The following ITPK1 variants were observed in gnomAD, a reference collection of about 807,000 sequenced individuals.
ITPK1 encodes inositol 1,3,4-trisphosphate 5/6-kinase.
Under a neutral mutation model 45.3 loss-of-function variants are expected in ITPK1, and 21 were observed. That is an observed-to-expected ratio of 0.46 (90% CI 0.33 to 0.67). The LOEUF is 0.67. Ranked by LOEUF, ITPK1 falls within the 30% of genes least tolerant of loss-of-function variation. The pLI is 0.02. For synonymous variants in ITPK1, 258 were observed against 253.6 expected, an observed-to-expected ratio of 1.02 and a Z score of -0.16; for missense variants, 474 against 573.5, an observed-to-expected ratio of 0.83 and a Z score of 1.77.
chr14:93,051,272 T>C (rs1182258751), intron 3 of ITPK1, among the ~76,000 whole-genome samples: 1 of 152,308 alleles, frequency 6.6e-6, no homozygotes, highest in East Asian at 1.9e-4. Flanking sequence ...TGACCTCAAA[T>C]GTCTTTCCTG....
At chr14:92,948,809 C>A (rs1595077577) in intron 9 of ITPK1, among the ~76,000 whole-genome samples, 1 of 151,512 alleles carries the variant, frequency 6.6e-6, no homozygotes, top group Admixed American at 6.6e-5. Flanking sequence ...GCCCACGCTC[C>A]GAGGGACCCA....
In ITPK1 at chr14:93,076,035, C is replaced by G. The variant is rs1310250329; in HGVS notation, c.120+560G>C. Among the ~76,000 whole-genome samples the G allele has an allele frequency of 6.6e-6, 1 of 151,874 alleles. No individual in the cohort carries two copies. The highest frequency in any genetic ancestry group is 1.5e-5 in the Non-Finnish European group (1 of 67,954). ...TTTCCTTCTTCCCCCTCCATCCATCCTTCCCTCTTCTCTCCATCCATCCTT... is the reference window on the plus strand; with the variant it reads ...TTTCCTTCTTCCCCCTCCATCCATCGTTCCCTCTTCTCTCCATCCATCCTT... On this transcript the variant is annotated intron_variant, in intron 3 of 10. Transcript: ENST00000267615. This position sits in a 1 kb window ranked among gnomAD's most constrained non-coding sequence, Gnocchi z 4.3.
chr14:92,969,375 C>T (rs1256391386), intron 5 of ITPK1, among the ~76,000 whole-genome samples: 5 of 151,244 alleles, frequency 3.3e-5, no homozygotes, highest in African/African-American at 1.2e-4. Flanking sequence ...GTGAGGGGCA[C>T]CTTCCAAAGA....
intron 10 of ITPK1, among the ~76,000 whole-genome samples, chr14:92,945,397 C>T (rs911604181): frequency 6.6e-6 from 1 of 152,228 alleles, no homozygotes; most frequent in East Asian, 1.9e-4. Flanking sequence ...CGATAAACAA[C>T]CCCGAGTCCC....
intron 4 of ITPK1, among the ~76,000 whole-genome samples, chr14:93,004,147 A>G (rs1344911266): frequency 1.3e-5 from 2 of 152,200 alleles, no homozygotes; most frequent in African/African-American, 2.4e-5. Context: ...AGTCGCCTGC[A>G]AGCCAGCGAG....
At chr14:93,035,784 G>C (rs1459214934) in intron 3 of ITPK1, among the ~76,000 whole-genome samples, 5 of 152,202 alleles carry the variant, frequency 3.3e-5, no homozygotes, top group Non-Finnish European at 7.3e-5. Flanking sequence ...AGGTGGCAGA[G>C]GCAGGTTTCA....
intron 10 of ITPK1, 103 bp from the exon 11 acceptor site, chr14:92,942,007 A>G (rs1033631331): frequency 3.0e-6 from 3 of 991,060 alleles, no homozygotes; most frequent in Non-Finnish European, 4.6e-6. Flanking sequence ...GGGATGAGGC[A>G]GGGTGTGCTG....
At position 93,081,928 on chromosome 14, in the gene ITPK1, C is replaced by T. The variant is rs577969767; in HGVS notation, c.96-5309G>A. Among the ~76,000 whole-genome samples, 35 of 152,262 alleles carry T rather than the reference C, an allele frequency of 2.3e-4. No homozygotes were observed. The East Asian group carries it at 6.6e-3, about 29-fold the overall frequency. ...CCTGAGAACCACCACTGGAGCGTGT[C>T]AAAAATCCTCATTCGAGGCCCACCC... On this transcript the variant is annotated intron_variant, in intron 2 of 10. Transcript: ENST00000267615.
chr14:93,010,295 A>G (rs1370623764), intron 4 of ITPK1, among the ~76,000 whole-genome samples: 1 of 152,232 alleles, frequency 6.6e-6, no homozygotes, highest in African/African-American at 2.4e-5. Flanking sequence ...TGTTTCTTCT[A>G]CTTCCTCTCC....
chr14:92,986,091 T>C (rs1886472874), intron 5 of ITPK1, among the ~76,000 whole-genome samples: 1 of 152,132 alleles, frequency 6.6e-6, no homozygotes, highest in Admixed American at 6.5e-5. Context: ...GTCGGAAAGG[T>C]GCTGAGTGGT....
chr14:92,940,007 G>A lies in ITPK1; in HGVS notation c.*1554C>T, dbSNP rs956365989. The A allele has an allele frequency of 1.3e-5, 13 of 985,760 alleles. No individual in the cohort carries two copies. In the Admixed American group the frequency reaches 4.3e-4, roughly 33 times the overall value. 61.1% of individuals were successfully genotyped at this position (985,760 alleles called of 1,614,324 possible). On this transcript the variant is annotated 3_prime_UTR_variant, in exon 11 of 11. Coordinates refer to ENST00000267615, the MANE Select transcript of ITPK1 (RefSeq NM_014216.6). The stretch of plus-strand genomic sequence containing the variant: ...GGTTCAAAACTCAAGTCGTGTAAAC[G>A]TGGTTAGTTGTTGGGTCCTCAGTTT...
intron 5 of ITPK1, among the ~76,000 whole-genome samples, chr14:92,966,430 T>C (rs993196431): frequency 7.9e-5 from 12 of 152,090 alleles, no homozygotes; most frequent in African/African-American, 2.2e-4. Context: ...CAAAATACCA[T>C]TGAAAGAAAT....
intron 2 of ITPK1, among the ~76,000 whole-genome samples, chr14:93,108,282 G>T (rs1892604241): frequency 6.6e-6 from 1 of 152,220 alleles, no homozygotes; most frequent in South Asian, 2.1e-4. Flanking sequence ...TTTTTAAAAG[G>T]GAAGTGCCAT....
chr14:92,993,848 T>C (rs746821193), intron 5 of ITPK1, 32 bp downstream of exon 5: 2 of 1,415,260 alleles, frequency 1.4e-6, no homozygotes, highest in South Asian at 2.3e-5. Flanking sequence ...GGTGGCTGCC[T>C]GCCACGGATG....
chr14:92,945,000 C>G (rs947610365), intron 10 of ITPK1, among the ~76,000 whole-genome samples: 3 of 152,262 alleles, frequency 2.0e-5, no homozygotes, highest in African/African-American at 7.2e-5. Context: ...GCAGCTGCAC[C>G]TGCTGTAGCC....
At chr14:93,093,786 C>T (rs562819354) in intron 2 of ITPK1, among the ~76,000 whole-genome samples, 1 of 152,302 alleles carries the variant, frequency 6.6e-6, no homozygotes, top group South Asian at 2.1e-4. Flanking sequence ...ACGATCTAGA[C>T]CACCACTGCC....
chr14:93,040,262 G>A (rs1889502911), intron 3 of ITPK1, among the ~76,000 whole-genome samples: 1 of 152,196 alleles, frequency 6.6e-6, no homozygotes. Context: ...TGGACAATGG[G>A]GAGCCTGGGC....
At chr14:92,962,490 GAC>G in intron 6 of ITPK1, 95 bp from the exon 7 acceptor site, 1 of 878,948 alleles carries the variant, frequency 1.1e-6, no homozygotes, top group Non-Finnish European at 1.9e-6. Flanking sequence ...CTCTAGCTGA[GAC>G]ACAGACTCTG....
chr14:92,960,176 G>A (rs931580746), intron 7 of ITPK1, among the ~76,000 whole-genome samples: 1 of 152,198 alleles, frequency 6.6e-6, no homozygotes. Flanking sequence ...CCAGACAGCC[G>A]GCTGGGGAGT....
Sources: allele counts gnomAD v4.1 joint callset (sites outside exome capture counted in the v4.1 genomes callset), GRCh38; gene constraint gnomAD v4.1.1; non-coding constraint Gnocchi (gnomAD v3.1); transcripts MANE v1.5; gene names NCBI Gene and HGNC (gene_info 2026-07-23, HGNC 2026-07-21).